Variants in CUBN observed in about 807,000 individuals in gnomAD.
The protein encoded by CUBN is cubilin.
In CUBN, 282 loss-of-function variants were observed where a neutral mutation model predicts 405.3. That is an observed-to-expected ratio of 0.70 (90% CI 0.63 to 0.77). The LOEUF (loss-of-function observed/expected upper bound fraction) is 0.77. Among genes scored for constraint, CUBN ranks in the 30% least tolerant of loss-of-function variants. The pLI is 0.00. For missense variants in CUBN, 4,514 were observed against 4,475.2 expected (o/e 1.01, Z -0.25); for synonymous variants, 1,684 against 1,617.0 (o/e 1.04, Z -0.99).
chr10:16,984,534 G>A (rs948891503), intron 29 of CUBN, among the ~76,000 whole-genome samples: 2 of 152,030 alleles, frequency 1.3e-5, no homozygotes, highest in South Asian at 2.1e-4. Flanking sequence ...AGAGGAGGAC[G>A]GAGTAGATTA....
intron 17 of CUBN, among the ~76,000 whole-genome samples, chr10:17,078,386 C>T (rs1835896136): frequency 6.6e-6 from 1 of 152,176 alleles, no homozygotes; most frequent in African/African-American, 2.4e-5. Flanking sequence ...CAGTTCTTTG[C>T]ATTGCTCACT....
At chr10:16,930,837 A>G (rs893612530) in intron 40 of CUBN, among the ~76,000 whole-genome samples, 9 of 152,248 alleles carry the variant, frequency 5.9e-5, no homozygotes, top group African/African-American at 2.2e-4. Flanking sequence ...GAGCAGGAAT[A>G]GCCTATAAGT....
At chr10:16,973,496 C>T (rs12218417) in intron 31 of CUBN, among the ~76,000 whole-genome samples, 4,016 of 152,270 alleles carry the variant, frequency 0.026, 160 homozygotes, top group East Asian at 0.18. Flanking sequence ...TTTCTAAAAA[C>T]CTTTCACCTT....
chr10:16,855,002 TTC>T (rs898361981), intron 59 of CUBN, among the ~76,000 whole-genome samples: 23 of 144,004 alleles, frequency 1.6e-4, no homozygotes, highest in South Asian at 7.0e-4. Flanking sequence ...CTTTCCTTTT[TTC>T]TCTCTCTCTC....
At chr10:17,101,082 A>G (rs960624365) in intron 13 of CUBN, among the ~76,000 whole-genome samples, 2 of 152,222 alleles carry the variant, frequency 1.3e-5, no homozygotes, top group African/African-American at 4.8e-5. Flanking sequence ...TCAGTTAATG[A>G]AAAAGAATAT....
At chr10:16,983,965 T>C (rs1460781547) in intron 30 of CUBN, 140 bp downstream of exon 30, 3 of 862,824 alleles carry the variant, frequency 3.5e-6, no homozygotes, top group East Asian at 4.9e-5. Flanking sequence ...GGGAAGGGTA[T>C]ATGTCAGGTC....
chr10:16,944,739 T>C (rs1272206666), intron 36 of CUBN, among the ~76,000 whole-genome samples: 1 of 152,242 alleles, frequency 6.6e-6, no homozygotes, highest in Non-Finnish European at 1.5e-5. Context: ...CGATGTTCTA[T>C]ATGGTAATTA....
intron 14 of CUBN, among the ~76,000 whole-genome samples, chr10:17,092,560 A>C (rs1836288301): frequency 6.6e-6 from 1 of 152,100 alleles, no homozygotes; most frequent in African/African-American, 2.4e-5. Flanking sequence ...CACCACCAAA[A>C]CCAAGATGGT....
rs532289225 is a variant in CUBN, at chr10:16,876,706, T to C, written c.9106+191A>G. On this transcript the variant is annotated intron_variant, in intron 57 of 66. Transcript: ENST00000377833. ...TCAGAGTAGTTCTAGCCAAAGTTCC[T>C]GAAAAAGGTCCTCTTCTTTTTAAGA... is the stretch of plus-strand genomic sequence containing the variant. Among the ~76,000 whole-genome samples, 4 of 152,322 alleles carry C rather than the reference T, an allele frequency of 2.6e-5. No individual in the cohort carries two copies. In the South Asian group the frequency reaches 8.3e-4, roughly 32 times the overall value.
chr10:16,880,110 T>G (rs1326744170), intron 56 of CUBN, among the ~76,000 whole-genome samples: 1 of 152,186 alleles, frequency 6.6e-6, no homozygotes, highest in Non-Finnish European at 1.5e-5. Flanking sequence ...CTTTGAAACC[T>G]TCCAGAATTA....
intron 31 of CUBN, among the ~76,000 whole-genome samples, chr10:16,970,013 C>T (rs1843506472): frequency 6.6e-6 from 1 of 152,156 alleles, no homozygotes. Context: ...TAGTTTTCTT[C>T]TTTCTGCTTC....
intron 51 of CUBN, among the ~76,000 whole-genome samples, chr10:16,902,249 TGTATATATA>T (rs1841416683): frequency 7.2e-6 from 1 of 138,556 alleles, no homozygotes; most frequent in Non-Finnish European, 1.5e-5. Context: ...TATATATATT[TGTATATATA>T]GTATATATAT....
chr10:16,831,798 G>C (rs1839004941), intron 64 of CUBN, among the ~76,000 whole-genome samples: 1 of 152,142 alleles, frequency 6.6e-6, no homozygotes, highest in Non-Finnish European at 1.5e-5. Context: ...AATGTTGCCT[G>C]CTCTGCTTCC....
intron 28 of CUBN, among the ~76,000 whole-genome samples, chr10:17,008,236 GT>G (rs1203109067): frequency 1.0e-5 from 1 of 99,476 alleles, no homozygotes; most frequent in East Asian, 3.4e-4. Context: ...CTGCCCGTGT[GT>G]GGTGTGTGTG....
intron 17 of CUBN, among the ~76,000 whole-genome samples, chr10:17,081,965 G>GTT (rs35837265): frequency 1.3e-4 from 20 of 151,326 alleles, no homozygotes; most frequent in East Asian, 7.8e-4. Context: ...GAATAATACA[G>GTT]TTTTTTTTTC....
At chr10:16,872,945 G>A (rs1017755927) in intron 58 of CUBN, among the ~76,000 whole-genome samples, 3 of 152,176 alleles carry the variant, frequency 2.0e-5, no homozygotes, top group South Asian at 2.1e-4. Flanking sequence ...CCTATAGAAC[G>A]CCTGATACAG....
intron 31 of CUBN, among the ~76,000 whole-genome samples, chr10:16,975,649 T>TTTTTA (rs34184871): frequency 8.0e-6 from 1 of 125,436 alleles, no homozygotes. Flanking sequence ...TTTTTTTTTT[T>TTTTTA]GAGAAGGAGT....
At chr10:16,952,891 G>A (rs752384098) in intron 32 of CUBN, among the ~76,000 whole-genome samples, 9 of 152,154 alleles carry the variant, frequency 5.9e-5, no homozygotes, top group African/African-American at 9.7e-5. Context: ...GGAGGAGGCC[G>A]AGGCTAAACT....
intron 27 of CUBN, among the ~76,000 whole-genome samples, chr10:17,028,579 G>C (rs1389869963): frequency 1.3e-5 from 2 of 151,922 alleles, no homozygotes; most frequent in South Asian, 4.1e-4. Context: ...AAATTCGCCA[G>C]GCGTGGTGGT....
Sources: gnomAD v4.1 joint callset for allele counts (sites outside exome capture counted in the v4.1 genomes callset) on GRCh38, gnomAD v4.1.1 for gene constraint, MANE v1.5 for transcripts, NCBI Gene and HGNC (gene_info 2026-07-23, HGNC 2026-07-21) for gene names.